ZBTB7C: variants seen among roughly 807,000 people sequenced by gnomAD.
ZBTB7C encodes the protein zinc finger and BTB domain-containing protein 7C.
In ZBTB7C, 8 loss-of-function variants were observed where a neutral mutation model predicts 25.7. The observed-to-expected ratio is 0.31, with a 90% confidence interval of 0.18 to 0.56. The LOEUF (loss-of-function observed/expected upper bound fraction) is 0.56, where lower values mean the gene tolerates loss of function less well. ZBTB7C is among the 20% of genes least tolerant of loss of function. ZBTB7C has a pLI of 0.91. For synonymous variants in ZBTB7C, 394 were observed against 369.0 expected, an observed-to-expected ratio of 1.07 and a Z score of -0.78; for missense variants, 824 against 855.2, an observed-to-expected ratio of 0.96 and a Z score of 0.46.
rs535172023 is a variant in ZBTB7C, at chr18:48,281,874, T to C, written c.-79+56300A>G. Among the ~76,000 whole-genome samples the C allele has an allele frequency of 2.2e-3, 323 of 146,014 alleles. 2 individuals carry two copies. The highest frequency in any genetic ancestry group is 8.2e-3 in the African/African-American group (314 of 38,216). Reference sequence around the variant, plus strand: ...TTACACTGTTGGTGGGACTGTAAACTAGTTCAACCATTGTGGAAGTCAGTG... The same window carrying C: ...TTACACTGTTGGTGGGACTGTAAACCAGTTCAACCATTGTGGAAGTCAGTG... On this transcript the variant is annotated intron_variant, in intron 2 of 4. Transcript: ENST00000590800.
intron 1 of ZBTB7C, among the ~76,000 whole-genome samples, chr18:48,395,017 T>TA (rs2047988030): frequency 6.6e-6 from 1 of 152,100 alleles, no homozygotes; most frequent in Non-Finnish European, 1.5e-5. Context: ...AACTGACTCT[T>TA]AATGTGCTGT....
intron 2 of ZBTB7C, among the ~76,000 whole-genome samples, chr18:48,228,465 G>A (rs1189780289): frequency 6.6e-6 from 1 of 152,070 alleles, no homozygotes; most frequent in African/African-American, 2.4e-5. Flanking sequence ...GCTGCGGATG[G>A]GTGGGGCACA....
intron 1 of ZBTB7C, among the ~76,000 whole-genome samples, chr18:48,391,993 T>C (rs2047913852): frequency 6.6e-6 from 1 of 152,238 alleles, no homozygotes; most frequent in South Asian, 2.1e-4. Context: ...TTTGCTCCTC[T>C]GTTTAGGGTC....
intron 2 of ZBTB7C, among the ~76,000 whole-genome samples, chr18:48,286,242 G>A (rs1437597824): frequency 2.5e-5 from 3 of 120,266 alleles, no homozygotes; most frequent in African/African-American, 9.8e-5. Context: ...GCGTGTGTGT[G>A]TGTGTGTGTG....
chr18:48,190,870 C>T (rs1199516290), intron 2 of ZBTB7C, among the ~76,000 whole-genome samples: 2 of 152,160 alleles, frequency 1.3e-5, no homozygotes, highest in Non-Finnish European at 2.9e-5. Flanking sequence ...TTCATGACAT[C>T]TTCCCCCCAC....
intron 3 of ZBTB7C, among the ~76,000 whole-genome samples, chr18:48,090,562 A>C (rs1300019040): frequency 6.6e-6 from 1 of 152,200 alleles, no homozygotes; most frequent in East Asian, 1.9e-4. Flanking sequence ...CAAAGAGAGA[A>C]GCAGAGGACT....
intron 1 of ZBTB7C, among the ~76,000 whole-genome samples, chr18:48,388,178 G>A (rs1030649215): frequency 5.3e-5 from 8 of 151,978 alleles, no homozygotes; most frequent in Non-Finnish European, 2.9e-5. Context: ...TGAAATCCCG[G>A]GCACACTTCA....
chr18:48,274,214 C>G (rs1261051329), intron 2 of ZBTB7C, among the ~76,000 whole-genome samples: 1 of 152,260 alleles, frequency 6.6e-6, no homozygotes, highest in African/African-American at 2.4e-5. Context: ...CAGACTACCT[C>G]TCAATACCCC....
At chr18:48,104,176 C>T (rs1315565197) in intron 3 of ZBTB7C, among the ~76,000 whole-genome samples, 1 of 152,146 alleles carries the variant, frequency 6.6e-6, no homozygotes, top group African/African-American at 2.4e-5. Context: ...TGGTATGAGA[C>T]ATTTGGGTCA....
chr18:48,051,270 C>T (rs1405010477), intron 3 of ZBTB7C, among the ~76,000 whole-genome samples: 5 of 152,174 alleles, frequency 3.3e-5, no homozygotes, highest in Non-Finnish European at 5.9e-5. Flanking sequence ...AAGGGATGGG[C>T]AGATGGGTGA....
intron 3 of ZBTB7C, among the ~76,000 whole-genome samples, chr18:48,131,080 GT>G (rs1339358591): frequency 6.6e-6 from 1 of 152,038 alleles, no homozygotes; most frequent in Non-Finnish European, 1.5e-5. Flanking sequence ...ATTTTTCTAT[GT>G]TTAGTAGAGA....
chr18:48,281,284 C>A (rs1330718258), intron 2 of ZBTB7C, among the ~76,000 whole-genome samples: 1 of 152,144 alleles, frequency 6.6e-6, no homozygotes, highest in Admixed American at 6.5e-5. Flanking sequence ...TGGATCCCTT[C>A]CTTAAACCTC....
chr18:48,252,567 C>G (rs2043895836), intron 2 of ZBTB7C: 1 of 152,242 alleles, frequency 6.6e-6, no homozygotes, highest in Non-Finnish European at 1.5e-5. Flanking sequence ...CTCAGGTGTA[C>G]CTGCCTCTTC....
intron 1 of ZBTB7C, among the ~76,000 whole-genome samples, chr18:48,356,253 T>A (rs2046975682): frequency 6.6e-6 from 1 of 152,162 alleles, no homozygotes. Context: ...CATCTCCAAG[T>A]GAACTCGCTC....
chr18:48,343,962 G>T (rs1052240308), intron 1 of ZBTB7C, among the ~76,000 whole-genome samples: 1 of 152,072 alleles, frequency 6.6e-6, no homozygotes, highest in African/African-American at 2.4e-5. Flanking sequence ...GGAGCCATGG[G>T]GATGTGTGTT....
intron 2 of ZBTB7C, among the ~76,000 whole-genome samples, chr18:48,212,343 A>G (rs1019775142): frequency 6.6e-6 from 1 of 152,194 alleles, no homozygotes; most frequent in African/African-American, 2.4e-5. Flanking sequence ...AGGAATGAAT[A>G]GGTGGAGCAC....
At chr18:48,046,679 T>A (rs1460184971) in intron 3 of ZBTB7C, among the ~76,000 whole-genome samples, 1 of 152,222 alleles carries the variant, frequency 6.6e-6, no homozygotes, top group African/African-American at 2.4e-5. Flanking sequence ...GTGATAACCA[T>A]CCGAGCACTC....
Position 48,400,753 on chromosome 18 carries a change from A to C in ZBTB7C, c.-304+8473T>G, listed in dbSNP as rs552772207. ...TTAAATAAAATATATGATTGAAGTT[A>C]ATTTTACCTACTTCTTTTTACTTTT... On this transcript the variant is annotated intron_variant, in intron 1 of 4. Coordinates refer to ENST00000590800, the MANE Select transcript of ZBTB7C (RefSeq NM_001318841.2). Among the ~76,000 whole-genome samples the C allele has an allele frequency of 2.0e-5, 3 of 152,324 alleles. No homozygotes were observed. The South Asian group carries it at 6.2e-4, about 32-fold the overall frequency.
chr18:48,047,437 T>C (rs956417879), intron 3 of ZBTB7C, among the ~76,000 whole-genome samples: 9 of 143,398 alleles, frequency 6.3e-5, no homozygotes, highest in Non-Finnish European at 1.2e-4. Flanking sequence ...AGGAAGGAGC[T>C]AGAAAAAAAA....
Sources: gnomAD v4.1 joint callset for allele counts (sites outside exome capture counted in the v4.1 genomes callset) on GRCh38, gnomAD v4.1.1 for gene constraint, MANE v1.5 for transcripts, NCBI Gene and HGNC (gene_info 2026-07-23, HGNC 2026-07-21) for gene names.